The following SLC35D1 variants were observed in gnomAD, a reference collection of about 807,000 sequenced individuals.
SLC35D1 encodes the protein solute carrier family 35 member D1, also known as nucleotide sugar transporter SLC35D1.
In SLC35D1, 31 loss-of-function variants were observed where a neutral mutation model predicts 46.7. That is an observed-to-expected ratio of 0.66 (90% CI 0.50 to 0.90). SLC35D1 has a LOEUF of 0.90. SLC35D1 is among the 40% of genes least tolerant of loss of function. The probability of loss-of-function intolerance (pLI) is 0.00; values close to 1 mark genes in which losing one functional copy is unlikely to be tolerated. For synonymous variants in SLC35D1, 195 were observed against 164.6 expected, an observed-to-expected ratio of 1.18 and a Z score of -1.41; for missense variants, 397 against 426.2, an observed-to-expected ratio of 0.93 and a Z score of 0.60.
At position 67,052,977 on chromosome 1, in the gene SLC35D1, T is replaced by C. The variant is rs775487424; in HGVS notation, c.216A>G (p.Ser72=). The change falls in exon 2 of 12, where the codon TCA becomes TCG. Residue 72 remains serine, a synonymous_variant. Coordinates refer to ENST00000235345, the MANE Select transcript of SLC35D1 (RefSeq NM_015139.3). ...TAACCTGGCCAAGTCCAACACATAG[T>C]GAGGAGGGAAATCTACAAAAAGGGC... ...SVLTNYRFPS[S]LCVGLGQMVA... is the part of the protein sequence containing the mutation. 8 of 1,613,810 alleles carry C rather than the reference T, an allele frequency of 5.0e-6. No homozygotes were observed. In the East Asian group the frequency reaches 1.8e-4, roughly 36 times the overall value.
chr1:67,000,288 T>TTC lies in SLC35D1; in HGVS notation c.*4051_*4052insGA, dbSNP rs1316099004. 9.2e-4 allele frequency: 136 copies of TTC among 147,118 alleles called. No homozygotes were observed. The highest frequency in any genetic ancestry group is 3.2e-3 in the African/African-American group (130 of 40,774). 9.1% of individuals were successfully genotyped at this position (147,118 alleles called of 1,614,324 possible). A position where few individuals can be genotyped will look rare whatever the true frequency, so the allele number is the denominator to read the frequency against. ...GGCGACAGAGCAAGACCTTCTTTCT[T>TTC]TTTTTTTTTTTTTTTTAAAAAAAAG... On this transcript the variant is annotated 3_prime_UTR_variant, in exon 12 of 12. Transcript: ENST00000235345.
At chr1:66,993,179 C>T in the SLC35D1 span, among the ~76,000 whole-genome samples, 1 of 152,194 alleles carries the variant, frequency 6.6e-6, no homozygotes, top group African/African-American at 2.4e-5. Flanking sequence ...CGTTAGTAGG[C>T]TCTGAGAATG....
rs934229534 is a variant in SLC35D1 at position 67,021,672 on chromosome 1, A to T, written c.730-70T>A. On this transcript the variant is annotated intron_variant, in intron 8 of 11. Coordinates refer to ENST00000235345, the MANE Select transcript of SLC35D1 (RefSeq NM_015139.3). Reference sequence around the variant, plus strand: ...AATCAGCTATCCCGTTTTAATGTAAATCCTTCTACGAGTCTGCCTCCAACA... The same window carrying T: ...AATCAGCTATCCCGTTTTAATGTAATTCCTTCTACGAGTCTGCCTCCAACA... The T allele has an allele frequency of 3.4e-6, 5 of 1,462,706 alleles. No individual in the cohort carries two copies. In the African/African-American group the frequency reaches 7.0e-5, roughly 20 times the overall value. 90.6% of individuals were successfully genotyped at this position (1,462,706 alleles called of 1,614,324 possible). A position where few individuals can be genotyped will look rare whatever the true frequency, so the allele number is the denominator to read the frequency against.
chr1:67,001,275 T>C lies in SLC35D1; in HGVS notation c.*3065A>G, dbSNP rs1365726152. On this transcript the variant is annotated 3_prime_UTR_variant, in exon 12 of 12. Coordinates refer to ENST00000235345, the MANE Select transcript of SLC35D1 (RefSeq NM_015139.3). ...ACTGACCAAAACCCTCCATGGATTC[T>C]TGATAAAACAGGACTACCAAAAGCG... The C allele has an allele frequency of 6.6e-6, 1 of 152,254 alleles. No individual in the cohort carries two copies. Among genetic ancestry groups the C allele is most frequent in the Non-Finnish European group, 1.5e-5 (1 of 68,030 alleles). The allele number at this position is 152,254 out of a possible 1,614,324, so 9.4% of individuals were successfully genotyped here.
chr1:67,009,014 C>T, intron 11 of SLC35D1, 71 bp downstream of exon 11: 2 of 752,286 alleles, frequency 2.7e-6, no homozygotes, highest in Non-Finnish European at 4.8e-6. Flanking sequence ...AATTTAATAG[C>T]CTAACCTTAT....
chr1:66,981,547 T>C, the SLC35D1 span, among the ~76,000 whole-genome samples: 52 of 152,200 alleles, frequency 3.4e-4, no homozygotes, highest in African/African-American at 1.2e-3. Flanking sequence ...AAATTTCCTA[T>C]GGGTCTCTAA....
At chr1:67,014,793 A>T (rs979101112) in intron 10 of SLC35D1, among the ~76,000 whole-genome samples, 5 of 139,018 alleles carry the variant, frequency 3.6e-5, no homozygotes, top group African/African-American at 1.3e-4. Context: ...TACTTAATTT[A>T]TCTGTGAGCT....
chr1:67,015,513 C>T (rs1273203666), intron 10 of SLC35D1, among the ~76,000 whole-genome samples: 1 of 94,534 alleles, frequency 1.1e-5, no homozygotes, highest in Non-Finnish European at 2.6e-5. Context: ...CCTCAGCCTC[C>T]CAAGCAGCTG....
At chr1:67,024,719 T>A (rs1424528943) in intron 8 of SLC35D1, among the ~76,000 whole-genome samples, 2 of 152,150 alleles carry the variant, frequency 1.3e-5, no homozygotes, top group African/African-American at 4.8e-5. Context: ...CCTGTGTGCA[T>A]ACCTGTGTCC....
At position 67,035,132 on chromosome 1, in the gene SLC35D1, TTGTGTG is replaced by T. The variant is rs113505067; in HGVS notation, c.729+7098_729+7103del. On this transcript the variant is annotated intron_variant, in intron 8 of 11. Coordinates refer to ENST00000235345, the MANE Select transcript of SLC35D1 (RefSeq NM_015139.3). ...AGTGACATTGGCCTACAGTTCTGTG[TTGTGTG>T]TGTGTGTGCGCGCGTGTGTGTGTGT... Among the ~76,000 whole-genome samples the T allele has an allele frequency of 2.6e-5, 4 of 151,922 alleles. No individual in the cohort carries two copies. The East Asian group carries it at 5.8e-4, about 22-fold the overall frequency.
the SLC35D1 span, among the ~76,000 whole-genome samples, chr1:66,978,068 C>T: frequency 1.3e-5 from 2 of 151,572 alleles, no homozygotes; most frequent in African/African-American, 2.4e-5. Flanking sequence ...TGGTGGTGCA[C>T]GCCTATAGTC....
At chr1:67,048,432 T>C (rs969314796) in intron 6 of SLC35D1, among the ~76,000 whole-genome samples, 2 of 152,192 alleles carry the variant, frequency 1.3e-5, no homozygotes, top group African/African-American at 4.8e-5. Context: ...GAGGCTAGCA[T>C]AGAATTTTTC....
chr1:67,041,631 G>A (rs1645183609), intron 8 of SLC35D1, among the ~76,000 whole-genome samples: 1 of 152,068 alleles, frequency 6.6e-6, no homozygotes, highest in African/African-American at 2.4e-5. Context: ...TCCTACACGG[G>A]CTTGTTTTAA....
chr1:67,052,052 C>T lies in SLC35D1; in HGVS notation c.352G>A (p.Gly118Arg). 6.2e-7 allele frequency: 1 copy of T among 1,610,144 alleles called. No homozygotes were observed. The highest frequency in any genetic ancestry group is 1.1e-5 in the South Asian group (1 of 90,998). ...KTFPLPLLYF[G>R]NQITGLFSTK... Reference sequence around the variant, plus strand: ...CTGAACAGTCCCGTGATTTGGTTCCCAAAATATAGTAGAGGTAGTGGAAAC... The same window carrying T: ...CTGAACAGTCCCGTGATTTGGTTCCTAAAATATAGTAGAGGTAGTGGAAAC... The change falls in exon 4 of 12, where the codon GGG becomes AGG. Residue 118 changes from glycine (G) to arginine (R), a missense_variant. Physicochemically the swap from Gly to Arg is moderately radical, Grantham distance 125 (BLOSUM62 -2). Coordinates refer to ENST00000235345, the MANE Select transcript of SLC35D1 (RefSeq NM_015139.3).
the SLC35D1 span, among the ~76,000 whole-genome samples, chr1:66,973,980 C>T: frequency 6.6e-6 from 1 of 151,876 alleles, no homozygotes; most frequent in Non-Finnish European, 1.5e-5. Context: ...TGGATTGTAT[C>T]CAGTTGATTT....
chr1:66,981,720 T>G, the SLC35D1 span: 1 of 1,394,772 alleles, frequency 7.2e-7, no homozygotes, highest in Admixed American at 2.1e-5. Context: ...GAATTTAACC[T>G]CAACTAATTT....
chr1:67,050,236 A>G (rs1230855004), intron 5 of SLC35D1, among the ~76,000 whole-genome samples, 197 bp downstream of exon 5: 2 of 152,204 alleles, frequency 1.3e-5, no homozygotes. Flanking sequence ...TCACGTTCAG[A>G]TAAGATTTTC....
chr1:67,032,517 C>T (rs558568401), intron 8 of SLC35D1, among the ~76,000 whole-genome samples: 10 of 151,886 alleles, frequency 6.6e-5, no homozygotes, highest in East Asian at 1.9e-4. Context: ...CCTATCTCTA[C>T]GAAAAATACA....
At chr1:66,990,438 T>G in the SLC35D1 span, among the ~76,000 whole-genome samples, 1 of 151,912 alleles carries the variant, frequency 6.6e-6, no homozygotes, top group East Asian at 1.9e-4. Flanking sequence ...ACGCCCTAAT[T>G]TTTATTTTTT....
Sources: gnomAD v4.1 joint callset for allele counts (sites outside exome capture counted in the v4.1 genomes callset) on GRCh38, gnomAD v4.1.1 for gene constraint, MANE v1.5 for transcripts, NCBI Gene and HGNC (gene_info 2026-07-23, HGNC 2026-07-21) for gene names.